Variants in TULP3 observed in about 807,000 individuals in gnomAD.
The protein encoded by TULP3 is tubby-related protein 3.
A neutral mutation model predicts 50.7 loss-of-function variants in TULP3; 38 were observed. The observed-to-expected ratio is 0.75, with a 90% CI of 0.58 to 0.98. The LOEUF (loss-of-function observed/expected upper bound fraction) is 0.98, where lower values mean the gene tolerates loss of function less well. Ranked by LOEUF, TULP3 falls within the 50% of genes least tolerant of loss-of-function variation. TULP3 has a pLI of 0.00. For synonymous variants in TULP3, 183 were observed against 196.6 expected (o/e 0.93, Z 0.58); for missense variants, 550 against 568.0 (o/e 0.97, Z 0.32).
intron 7 of TULP3, 143 bp from the exon 8 acceptor site, chr12:2,934,304 A>G (rs1459158629): frequency 3.7e-6 from 2 of 545,352 alleles, no homozygotes; most frequent in Non-Finnish European, 3.3e-6. Flanking sequence ...CCTTGCTTTA[A>G]TGAGATATTT....
chr12:2,891,272 G>T (rs1053849676), intron 1 of TULP3, among the ~76,000 whole-genome samples: 1 of 152,070 alleles, frequency 6.6e-6, no homozygotes, highest in African/African-American at 2.4e-5. Context: ...GGGCTCCCTC[G>T]GCCCCTCTGG....
At chr12:2,925,490 C>T (rs1032696762) in intron 4 of TULP3, among the ~76,000 whole-genome samples, 2 of 152,146 alleles carry the variant, frequency 1.3e-5, no homozygotes, top group South Asian at 2.1e-4. Context: ...TGTCTGCCTA[C>T]GTGCTAGGGG....
chr12:2,891,955 G>A (rs910293871), intron 1 of TULP3, among the ~76,000 whole-genome samples: 21 of 152,140 alleles, frequency 1.4e-4, no homozygotes, highest in African/African-American at 4.8e-4. Context: ...ACACGGTGGT[G>A]CGCGCCTGTA....
chr12:2,930,334 C>G lies in TULP3; in HGVS notation c.481C>G (p.Gln161Glu), dbSNP rs1448716909. The G allele has an allele frequency of 6.2e-7, 1 of 1,610,584 alleles. No individual in the cohort carries two copies. The highest frequency in any genetic ancestry group is 1.1e-5 in the South Asian group (1 of 90,474). The change falls in exon 5 of 11, where the codon CAG becomes GAG. Residue 161 changes from glutamine (Q) to glutamate (E), a missense_variant. Gln to Glu is a conservative substitution (Grantham distance 29). Transcript: ENST00000448120. ...AGAAAGACCCAATTCTGCATCAAGC[C>G]AGAATTCAACCGTATGTAGTTCTGA... ...CLERPNSASSQNSTDTGTSGS... is the reference protein window; with the variant it reads ...CLERPNSASSENSTDTGTSGS...
intron 1 of TULP3, among the ~76,000 whole-genome samples, chr12:2,895,633 A>G (rs532279444): frequency 2.4e-4 from 36 of 152,218 alleles, no homozygotes; most frequent in African/African-American, 8.7e-4. Flanking sequence ...TCTTTCCACA[A>G]TTATCTGAAA....
At chr12:2,904,587 G>A (rs764194898) in intron 1 of TULP3, among the ~76,000 whole-genome samples, 11 of 152,134 alleles carry the variant, frequency 7.2e-5, no homozygotes, top group Non-Finnish European at 1.3e-4. Flanking sequence ...CCTCTGCCAC[G>A]CTTGAGTGTT....
intron 1 of TULP3, among the ~76,000 whole-genome samples, chr12:2,900,454 A>G (rs913232081): frequency 6.6e-6 from 1 of 152,186 alleles, no homozygotes; most frequent in Non-Finnish European, 1.5e-5. Context: ...AAAGGGAATA[A>G]TGATCGGTGA....
At chr12:2,908,612 C>T (rs377291290) in intron 1 of TULP3, among the ~76,000 whole-genome samples, 2 of 151,426 alleles carry the variant, frequency 1.3e-5, no homozygotes, top group Non-Finnish European at 1.5e-5. Flanking sequence ...TTAGTAGAGA[C>T]GGTTTCACTA....
intron 2 of TULP3, among the ~76,000 whole-genome samples, chr12:2,910,136 AC>A (rs1820584405): frequency 6.6e-6 from 1 of 152,168 alleles, no homozygotes; most frequent in South Asian, 2.1e-4. Context: ...ACTAAAAAAT[AC>A]AAAAAATTAG....
At chr12:2,908,220 T>A (rs1283925960) in intron 1 of TULP3, among the ~76,000 whole-genome samples, 1 of 152,180 alleles carries the variant, frequency 6.6e-6, no homozygotes, top group Non-Finnish European at 1.5e-5. Flanking sequence ...ATGTTTCTCT[T>A]TGTGGTAATG....
chr12:2,896,519 T>C (rs11062404), intron 1 of TULP3, among the ~76,000 whole-genome samples: 72,518 of 152,084 alleles, frequency 0.48, 17,753 homozygotes, highest in African/African-American at 0.59. Context: ...TGATTGAATT[T>C]GGGCTCTTTC....
In TULP3 at chr12:2,920,844, C is replaced by A; in HGVS notation, c.175C>A (p.Arg59=). ...GCCCAATCCAGAAGCCAGGCTACGT[C>A]GGGCAAAGCCAAGGGCCAGTGATGA... is the stretch of plus-strand genomic sequence containing the variant. The part of the protein sequence containing the change: ...VQPNPEARLR[R]AKPRASDEQT... The change falls in exon 3 of 11, where the codon CGG becomes AGG. Residue 59 remains arginine (R), a synonymous_variant. Transcript: ENST00000448120. 1 of 1,614,110 alleles carries A rather than the reference C, an allele frequency of 6.2e-7. No homozygotes were observed. Among genetic ancestry groups the A allele is most frequent in the Non-Finnish European group, 8.5e-7 (1 of 1,180,024 alleles).
intron 2 of TULP3, among the ~76,000 whole-genome samples, chr12:2,919,111 C>CA (rs2153949463): frequency 6.6e-6 from 1 of 151,696 alleles, no homozygotes; most frequent in South Asian, 2.1e-4. Flanking sequence ...AGGGTGGTCT[C>CA]AAACTCCTGA....
chr12:2,916,619 A>ATAGAT (rs2098188832), intron 2 of TULP3, among the ~76,000 whole-genome samples: 1 of 152,174 alleles, frequency 6.6e-6, no homozygotes, highest in South Asian at 2.1e-4. Flanking sequence ...CTTGGTAATG[A>ATAGAT]GTCCTTCATT....
intron 2 of TULP3, among the ~76,000 whole-genome samples, chr12:2,919,657 T>G (rs1340140284): frequency 1.3e-5 from 2 of 152,186 alleles, no homozygotes; most frequent in Non-Finnish European, 2.9e-5. Flanking sequence ...TTTCCTACTC[T>G]GAGTTATCCC....
chr12:2,898,561 T>C (rs2098176939), intron 1 of TULP3, among the ~76,000 whole-genome samples: 1 of 152,218 alleles, frequency 6.6e-6, no homozygotes, highest in Non-Finnish European at 1.5e-5. Flanking sequence ...TTTGCTGTTG[T>C]AGCACAAAAG....
chr12:2,893,325 G>GGTTT (rs2098173319), intron 1 of TULP3, among the ~76,000 whole-genome samples: 1 of 90,772 alleles, frequency 1.1e-5, no homozygotes, highest in African/African-American at 5.0e-5. Context: ...TGTGTTTAAT[G>GGTTT]TGTTTTTTTT....
rs557538257 is a variant in TULP3 at position 2,908,708 on chromosome 12, C to G, written c.42-821C>G. Among the ~76,000 whole-genome samples the G allele has an allele frequency of 4.6e-4, 70 of 152,284 alleles. No homozygotes were observed. The South Asian group carries it at 0.013, about 29-fold the overall frequency. ...GTGCTGGGATTACAGGTGTGAGCCA[C>G]CGTGTGCCTGGCCCAAAAAGTTTTT... On this transcript the variant is annotated intron_variant, in intron 1 of 10. Coordinates refer to ENST00000448120, the MANE Select transcript of TULP3 (RefSeq NM_003324.5).
intron 1 of TULP3, among the ~76,000 whole-genome samples, chr12:2,896,321 C>T (rs1465592581): frequency 6.6e-6 from 1 of 152,184 alleles, no homozygotes; most frequent in African/African-American, 2.4e-5. Flanking sequence ...CAGGGCACTC[C>T]TCCCCAGGGC....
Sources: gnomAD v4.1 joint callset for allele counts (sites outside exome capture counted in the v4.1 genomes callset) on GRCh38, gnomAD v4.1.1 for gene constraint, MANE v1.5 for transcripts, NCBI Gene and HGNC (gene_info 2026-07-23, HGNC 2026-07-21) for gene names.